ERF: variants seen among roughly 807,000 people sequenced by gnomAD.
ERF encodes ETS domain-containing transcription factor ERF.
In ERF, 10 loss-of-function variants were observed where a neutral mutation model predicts 41.6. The observed-to-expected ratio is 0.24, with a 90% CI of 0.15 to 0.41. The LOEUF (loss-of-function observed/expected upper bound fraction) is 0.41. Ranked by LOEUF, ERF falls within the 10% of genes least tolerant of loss-of-function variation. The pLI is 1.00. For missense variants in ERF, 621 were observed against 763.2 expected, an observed-to-expected ratio of 0.81 and a Z score of 2.19; for synonymous variants, 395 against 342.4, an observed-to-expected ratio of 1.15 and a Z score of -1.70.
Position 42,254,990 on chromosome 19 carries a change from G to A in ERF, c.10C>T (p.Pro4Ser). 4.1e-6 allele frequency: 6 copies of A among 1,469,952 alleles called. No homozygotes were observed. Among genetic ancestry groups the A allele is most frequent in the Non-Finnish European group, 5.4e-6 (6 of 1,117,258 alleles). 91.1% of individuals were successfully genotyped at this position (1,469,952 alleles called of 1,614,324 possible). The stretch of plus-strand genomic sequence containing the variant: ...CCCCCGCCCCCACCTGTGTCCGCCG[G>A]GGTCTTCATGCTGGGGGGCCCGGGG... MKT[P>S]ADTGFAFPDW... is the part of the protein sequence containing the mutation. The change falls in exon 1 of 4, where the codon CCG becomes TCG. Residue 4 changes from proline (P) to serine (S), a missense_variant. Coordinates refer to ENST00000222329, the MANE Select transcript of ERF (RefSeq NM_006494.4).
Position 42,249,498 on chromosome 19 carries a change from C to T in ERF, c.614G>A (p.Arg205His), listed in dbSNP as rs1053655. Reference sequence around the variant, plus strand: ...ATCCGGAGGGCCGGGTGGTCGGGCGCGGGGATCCTCTCCCAGCGGTTCCTC... The same window carrying T: ...ATCCGGAGGGCCGGGTGGTCGGGCGTGGGGATCCTCTCCCAGCGGTTCCTC... ...ELEEPLGEDPRARPPGPPDLG... is the reference protein window; with the variant it reads ...ELEEPLGEDPHARPPGPPDLG... Residue 205 changes from arginine (R) to histidine (H), a missense_variant, in exon 4 of 4, where the codon CGC (arginine) becomes CAC (histidine). Arg to His is a conservative substitution (Grantham distance 29, BLOSUM62 0). Transcript: ENST00000222329. The surrounding 1 kb of genome is among the most constrained non-coding windows in gnomAD (Gnocchi z 8.6). 5.6e-6 allele frequency: 9 copies of T among 1,611,384 alleles called. No individual in the cohort carries two copies. The highest frequency in any genetic ancestry group is 2.2e-5 in the South Asian group (2 of 90,988).
At chr19:42,253,361 A>T (rs1362462032) in intron 1 of ERF, among the ~76,000 whole-genome samples, 2 of 152,134 alleles carry the variant, frequency 1.3e-5, no homozygotes, top group Non-Finnish European at 2.9e-5. Context: ...GCAGGCCAGG[A>T]GGCAGACGGG....
Position 42,248,467 on chromosome 19 carries a change from A to G in ERF, c.1645T>C (p.Ter549ArgextTer27). Residue 549 changes from the stop codon to arginine, a stop_lost, in exon 4 of 4, where the codon TGA (stop) becomes CGA (arginine). Transcript: ENST00000222329. The surrounding 1 kb of genome is among the most constrained non-coding windows in gnomAD (Gnocchi z 4.2). ...AQLSLEHRDS* is the reference protein window; with the variant it reads ...AQLSLEHRDSR ...CACAGGTCCCCTGCCCACAGCCCTCAGGAGTCTCGGTGCTCCAGGGAGAGC... is the reference window on the plus strand; with the variant it reads ...CACAGGTCCCCTGCCCACAGCCCTCGGGAGTCTCGGTGCTCCAGGGAGAGC... 6.7e-7 allele frequency: 1 copy of G among 1,498,732 alleles called. No homozygotes were observed. The highest frequency in any genetic ancestry group is 8.9e-7 in the Non-Finnish European group (1 of 1,125,238). The allele number at this position is 1,498,732 out of a possible 1,614,324, so 92.8% of individuals were successfully genotyped here.
At chr19:42,251,224 C>T (rs1050315355) in intron 1 of ERF, 13 of 985,132 alleles carry the variant, frequency 1.3e-5, no homozygotes, top group Admixed American at 6.1e-5. Context: ...CTCTGAGCTA[C>T]ACTGCCCTCC....
At chr19:42,251,678 G>A (rs1568473602) in intron 1 of ERF, among the ~76,000 whole-genome samples, 2 of 152,010 alleles carry the variant, frequency 1.3e-5, no homozygotes, top group Non-Finnish European at 2.9e-5. Flanking sequence ...GGGTCAATCC[G>A]CCTCCCTTGG....
In ERF at chr19:42,249,889, T is replaced by A; in HGVS notation, c.311A>T (p.Tyr104Phe). The change falls in exon 3 of 4, where the codon TAC becomes TTC. Residue 104 changes from tyrosine (Y) to phenylalanine (F), a missense_variant. Tyr to Phe is a conservative substitution (Grantham distance 22). Transcript: ENST00000222329. The surrounding 1 kb of genome is among the most constrained non-coding windows in gnomAD (Gnocchi z 8.6). ...LHKTKGKRFT[Y>F]KFNFNKLVLV... ...CACCAGTTTGTTGAAATTGAACTTG[T>A]AGGTGAACCGTTTCCCCTTGGTCTT... is the stretch of plus-strand genomic sequence containing the variant. 1.2e-6 allele frequency: 2 copies of A among 1,614,182 alleles called. No homozygotes were observed. Among genetic ancestry groups the A allele is most frequent in the Non-Finnish European group, 1.7e-6 (2 of 1,180,016 alleles).
At chr19:42,252,728 G>A (rs1019470718) in intron 1 of ERF, among the ~76,000 whole-genome samples, 2 of 150,302 alleles carry the variant, frequency 1.3e-5, no homozygotes, top group African/African-American at 2.5e-5. Context: ...TCCCGGCTTT[G>A]GGGGGGGGAG....
chr19:42,253,291 G>T (rs943696699), intron 1 of ERF, among the ~76,000 whole-genome samples: 1 of 152,176 alleles, frequency 6.6e-6, no homozygotes, highest in African/African-American at 2.4e-5. Flanking sequence ...CAGGAAGTGG[G>T]AAACAGCCAC....
rs2036354175 is a variant in ERF at position 42,247,865 on chromosome 19, TG to T, written c.*599del. On this transcript the variant is annotated 3_prime_UTR_variant, in exon 4 of 4. Transcript: ENST00000222329. Reference sequence around the variant, plus strand: ...GGCACTTGTAGAGATTTGTGGCCCATGGGCGGCACCCCTCACCCTCCTCCGC... The same window carrying T: ...GGCACTTGTAGAGATTTGTGGCCCATGGCGGCACCCCTCACCCTCCTCCGC... The T allele has an allele frequency of 6.6e-6, 1 of 151,544 alleles. No homozygotes were observed. Among genetic ancestry groups the T allele is most frequent in the South Asian group, 2.1e-4 (1 of 4,792 alleles). 9.4% of individuals were successfully genotyped at this position (151,544 alleles called of 1,614,324 possible).
chr19:42,250,137 T>C lies in ERF; in HGVS notation c.257+194A>G. The C allele has an allele frequency of 1.3e-6, 1 of 751,418 alleles. No individual in the cohort carries two copies. 46.5% of individuals were successfully genotyped at this position (751,418 alleles called of 1,614,324 possible). A position where few individuals can be genotyped will look rare whatever the true frequency, so the allele number is the denominator to read the frequency against. ...AAGGCAGGACTAGAGGATCCACTGG[T>C]GACTGTAATCTCTCCTCAGGATACG... On this transcript the variant is annotated intron_variant, in intron 2 of 3. Transcript: ENST00000222329. The surrounding 1 kb of genome is among the most constrained non-coding windows in gnomAD (Gnocchi z 5.1).
At chr19:42,253,968 G>A (rs927740306) in intron 1 of ERF, 6 of 1,015,322 alleles carry the variant, frequency 5.9e-6, no homozygotes, top group South Asian at 3.2e-5. Flanking sequence ...ATTCCGACGG[G>A]GTAGACGGGC....
chr19:42,249,198 AAGG>A lies in ERF; in HGVS notation c.911_913del (p.Ser304del), dbSNP rs2146949300. 6.2e-7 allele frequency: 1 copy of A among 1,613,784 alleles called. No homozygotes were observed. Among genetic ancestry groups the A allele is most frequent in the Non-Finnish European group, 8.5e-7 (1 of 1,179,878 alleles). ...GTACCGTTTCATGTCCTCAGGGCTG[AAGG>A]AGAAGTGGGAGCCTCCCCCTGAGCC... On this transcript the variant is annotated inframe_deletion, in exon 4 of 4. Transcript: ENST00000222329. The surrounding 1 kb of genome is among the most constrained non-coding windows in gnomAD (Gnocchi z 8.6).
At chr19:42,254,575 G>T in intron 1 of ERF, 1 of 173,564 alleles carries the variant, frequency 5.8e-6, no homozygotes, top group Non-Finnish European at 1.2e-5. Flanking sequence ...GTCACCAGCA[G>T]GACCGCGCAG....
intron 1 of ERF, chr19:42,253,812 T>C: frequency 1.2e-6 from 1 of 830,080 alleles, no homozygotes; most frequent in Non-Finnish European, 1.4e-6. Context: ...GGGGATGGGG[T>C]GGGGTGGGTG....
chr19:42,254,974 C>G lies in ERF; in HGVS notation c.22+4G>C. On this transcript the variant is annotated splice_donor_region_variant and intron_variant, in intron 1 of 3. Coordinates refer to ENST00000222329, the MANE Select transcript of ERF (RefSeq NM_006494.4). ...TCCCCCACACGTGCTGCCCCCGCCC[C>G]CACCTGTGTCCGCCGGGGTCTTCAT... 6.7e-7 allele frequency: 1 copy of G among 1,489,748 alleles called. No individual in the cohort carries two copies. Among genetic ancestry groups the G allele is most frequent in the Non-Finnish European group, 8.9e-7 (1 of 1,128,662 alleles). The allele number at this position is 1,489,748 out of a possible 1,614,324, so 92.3% of individuals were successfully genotyped here.
At position 42,248,770 on chromosome 19, in the gene ERF, C is replaced by T. The variant is rs2036379754; in HGVS notation, c.1342G>A (p.Glu448Lys). The change falls in exon 4 of 4, where the codon GAG (glutamate) becomes AAG (lysine). Residue 448 changes from glutamate (E) to lysine (K), a missense_variant. Physicochemically the swap from Glu to Lys is moderately conservative, Grantham distance 56 (BLOSUM62 1). Around this residue, in one of 3 missense-constraint regions of ERF, gnomAD observed 569 missense variants for 625.5 expected, o/e 0.91. Coordinates refer to ENST00000222329, the MANE Select transcript of ERF (RefSeq NM_006494.4). The surrounding 1 kb of genome is among the most constrained non-coding windows in gnomAD (Gnocchi z 4.2). Reference sequence around the variant, plus strand: ...GTCTTGAACACCTCCCCGTCTTCCTCATCCTCATCACTGATGTCAGTCACC... The same window carrying T: ...GTCTTGAACACCTCCCCGTCTTCCTTATCCTCATCACTGATGTCAGTCACC... ...VEVTDISDED[E>K]EDGEVFKTPR... 1 of 1,613,436 alleles carries T rather than the reference C, an allele frequency of 6.2e-7. No homozygotes were observed. The highest frequency in any genetic ancestry group is 1.3e-5 in the African/African-American group (1 of 74,928).
In ERF at chr19:42,255,122, G is replaced by A. The variant is rs888918115; in HGVS notation, c.-123C>T. 31 of 831,166 alleles carry A rather than the reference G, an allele frequency of 3.7e-5. No individual in the cohort carries two copies. The highest frequency in any genetic ancestry group is 5.6e-5 in the South Asian group (1 of 17,742). The allele number at this position is 831,166 out of a possible 1,614,324, so 51.5% of individuals were successfully genotyped here. ...GCCTCACCCGGCCTCGCCTCTCAGA[G>A]CCTCTCCCCTCCCCGCCGCCGCCTC... On this transcript the variant is annotated 5_prime_UTR_variant, in exon 1 of 4. Coordinates refer to ENST00000222329, the MANE Select transcript of ERF (RefSeq NM_006494.4).
chr19:42,254,162 G>GGGGAAGAGAGGGGCGGA (rs999234556), intron 1 of ERF, among the ~76,000 whole-genome samples: 6 of 151,918 alleles, frequency 3.9e-5, no homozygotes, highest in Non-Finnish European at 7.4e-5. Flanking sequence ...GCAAGTTGGC[G>GGGGAAGAGAGGGGCGGA]GGGAAGAGAG....
At chr19:42,254,830 G>A (rs557505965) in intron 1 of ERF, 148 bp downstream of exon 1, 6 of 931,260 alleles carry the variant, frequency 6.4e-6, no homozygotes, top group Middle Eastern at 2.3e-4. Context: ...CTCGCGCCAC[G>A]AGAAGCAACA....
Sources: allele counts gnomAD v4.1 joint callset (sites outside exome capture counted in the v4.1 genomes callset), GRCh38; gene constraint gnomAD v4.1.1; regional missense constraint gnomAD v4.1.1; non-coding constraint Gnocchi (gnomAD v3.1); transcripts MANE v1.5; gene names NCBI Gene and HGNC (gene_info 2026-07-23, HGNC 2026-07-21).